FARP1: variants seen among roughly 807,000 people sequenced by gnomAD.
FARP1 encodes FERM, ARHGEF and pleckstrin domain-containing protein 1.
Under a neutral mutation model 128.8 loss-of-function variants are expected in FARP1, and 52 were observed. The ratio of observed to expected loss-of-function variants is 0.40; its 90% CI spans 0.32 to 0.51. The LOEUF (loss-of-function observed/expected upper bound fraction) is 0.51, where lower values mean the gene tolerates loss of function less well. Ranked by LOEUF, FARP1 falls within the 20% of genes least tolerant of loss-of-function variation. The pLI is 0.45. For missense variants in FARP1, 1,333 were observed against 1,367.9 expected, an observed-to-expected ratio of 0.97 and a Z score of 0.40; for synonymous variants, 580 against 551.8, an observed-to-expected ratio of 1.05 and a Z score of -0.72.
At chr13:98,144,520 G>A (rs1399902737) in intron 1 of FARP1, among the ~76,000 whole-genome samples, 2 of 152,118 alleles carry the variant, frequency 1.3e-5, no homozygotes, top group African/African-American at 4.8e-5. Flanking sequence ...CTCCTTGTCA[G>A]TTTACCAGGT....
intron 13 of FARP1, chr13:98,399,311 C>T (rs183231015): frequency 2.0e-5 from 3 of 152,210 alleles, no homozygotes. Flanking sequence ...TGGTGGAGCA[C>T]GTTTGCTGAG....
chr13:98,275,628 CTT>C (rs201108793), intron 2 of FARP1, among the ~76,000 whole-genome samples: 42 of 67,052 alleles, frequency 6.3e-4, no homozygotes, highest in African/African-American at 1.2e-3. Context: ...CTCTTTCTCT[CTT>C]TTTTTTTTTT....
intron 1 of FARP1, among the ~76,000 whole-genome samples, chr13:98,203,538 A>G (rs1188850629): frequency 6.6e-6 from 1 of 152,122 alleles, no homozygotes; most frequent in Non-Finnish European, 1.5e-5. Context: ...CACTCAGCAA[A>G]ATGTTTGCGA....
chr13:98,319,843 GA>G (rs960728344), intron 2 of FARP1, among the ~76,000 whole-genome samples: 103 of 151,218 alleles, frequency 6.8e-4, no homozygotes, highest in African/African-American at 2.5e-3. Context: ...GTTGCTGGGG[GA>G]AAAAAACAAC....
intron 16 of FARP1, among the ~76,000 whole-genome samples, chr13:98,418,081 G>A (rs1427880603): frequency 6.6e-6 from 1 of 151,998 alleles, no homozygotes. Flanking sequence ...ACAAAGTCTC[G>A]CTCTGTTGCC....
chr13:98,265,471 C>T (rs1412901491), intron 2 of FARP1, among the ~76,000 whole-genome samples: 2 of 150,922 alleles, frequency 1.3e-5, no homozygotes, highest in African/African-American at 2.4e-5. Context: ...AGGCGCCCGC[C>T]ACTACGCCCG....
rs116046417 is a variant in FARP1, at chr13:98,276,176, G to A, written c.171+62763G>A. The stretch of plus-strand genomic sequence containing the variant: ...AGGAATTAAGCATAGCTGAAGGCTA[G>A]CCTTCCCTCTATTGATGTAATTGAT... On this transcript the variant is annotated intron_variant, in intron 2 of 26. Coordinates refer to ENST00000319562, the MANE Select transcript of FARP1 (RefSeq NM_005766.4). Among the ~76,000 whole-genome samples, 829 of 152,302 alleles carry A rather than the reference G, an allele frequency of 5.4e-3. 12 individuals are homozygous for A. Among genetic ancestry groups the A allele is most frequent in the African/African-American group, 0.012 (493 of 41,554 alleles).
chr13:98,414,361 C>G (rs1027568730), intron 16 of FARP1, among the ~76,000 whole-genome samples: 1 of 143,324 alleles, frequency 7.0e-6, no homozygotes, highest in Non-Finnish European at 1.6e-5. Context: ...ACCAAATACA[C>G]GACACTGGTC....
intron 19 of FARP1, among the ~76,000 whole-genome samples, chr13:98,437,117 G>A (rs187234427): frequency 3.3e-5 from 5 of 152,214 alleles, no homozygotes; most frequent in Admixed American, 6.5e-5. Context: ...AATTATCTTC[G>A]TTTTCCCCCA....
intron 2 of FARP1, among the ~76,000 whole-genome samples, chr13:98,339,881 C>T (rs1887891744): frequency 6.6e-6 from 1 of 152,144 alleles, no homozygotes. Context: ...CTGACAGGCC[C>T]TAAGGAGTGT....
intron 1 of FARP1, among the ~76,000 whole-genome samples, chr13:98,206,140 C>T (rs1047285631): frequency 1.3e-5 from 2 of 150,930 alleles, no homozygotes; most frequent in East Asian, 2.0e-4. Context: ...CAGACAGAGC[C>T]GTGTTCCATA....
chr13:98,200,392 C>CG (rs977195368), intron 1 of FARP1, among the ~76,000 whole-genome samples: 11 of 144,174 alleles, frequency 7.6e-5, no homozygotes, highest in Non-Finnish European at 1.2e-4. Context: ...CCTTCACCCC[C>CG]CCCCCCTCCC....
chr13:98,232,802 C>T (rs1353091771), intron 2 of FARP1, among the ~76,000 whole-genome samples: 2 of 152,178 alleles, frequency 1.3e-5, no homozygotes, highest in African/African-American at 2.4e-5. Context: ...GAGAAAGCTG[C>T]GGTTTGAAAC....
chr13:98,156,194 G>A (rs1247910484), intron 1 of FARP1, among the ~76,000 whole-genome samples: 1 of 152,080 alleles, frequency 6.6e-6, no homozygotes, highest in African/African-American at 2.4e-5. Context: ...TGGAATTTTG[G>A]CCATTTGGAA....
At chr13:98,229,687 T>G (rs1395517345) in intron 2 of FARP1, among the ~76,000 whole-genome samples, 2 of 43,208 alleles carry the variant, frequency 4.6e-5, no homozygotes, top group Admixed American at 2.1e-4. Context: ...CTTTATTTCT[T>G]TTTTTTTTTT....
At chr13:98,287,263 C>T (rs1277125056) in intron 2 of FARP1, among the ~76,000 whole-genome samples, 15 of 114,992 alleles carry the variant, frequency 1.3e-4, no homozygotes, top group Admixed American at 2.1e-4. Context: ...TGGAGTCTTG[C>T]TCTCTCTCCC....
At chr13:98,308,554 T>A (rs558934372) in intron 2 of FARP1, among the ~76,000 whole-genome samples, 3 of 152,222 alleles carry the variant, frequency 2.0e-5, no homozygotes, top group Non-Finnish European at 4.4e-5. Context: ...TCCTCCAGAC[T>A]AGAGTGTGCT....
chr13:98,190,946 A>G (rs1399313582), intron 1 of FARP1, among the ~76,000 whole-genome samples: 1 of 152,114 alleles, frequency 6.6e-6, no homozygotes, highest in Non-Finnish European at 1.5e-5. Flanking sequence ...CAGAATACCA[A>G]TTACAAGTGT....
chr13:98,273,228 G>A lies in FARP1; in HGVS notation c.171+59815G>A, dbSNP rs78868782. On this transcript the variant is annotated intron_variant, in intron 2 of 26. Coordinates refer to ENST00000319562, the MANE Select transcript of FARP1 (RefSeq NM_005766.4). ...AAAGAGTAAAGCTTTGTCTAAAAATGTGGAGTCAGCAGAAAGGAATGTTTA... is the reference window on the plus strand; with the variant it reads ...AAAGAGTAAAGCTTTGTCTAAAAATATGGAGTCAGCAGAAAGGAATGTTTA... 5.6e-3 allele frequency among the ~76,000 whole-genome samples: 849 copies of A among 152,298 alleles called. 8 individuals are homozygous for A. The highest frequency in any genetic ancestry group is 0.02 in the African/African-American group (829 of 41,566).
Sources: gnomAD v4.1 joint callset for allele counts (sites outside exome capture counted in the v4.1 genomes callset) on GRCh38, gnomAD v4.1.1 for gene constraint, MANE v1.5 for transcripts, NCBI Gene and HGNC (gene_info 2026-07-23, HGNC 2026-07-21) for gene names.